The following MYO1E variants were observed in gnomAD, a reference collection of about 807,000 sequenced individuals.
The protein encoded by MYO1E is myosin IE.
In MYO1E, 68 loss-of-function variants were observed where a neutral mutation model predicts 151.1. That is an observed-to-expected ratio of 0.45 (90% CI 0.37 to 0.55). MYO1E has a LOEUF of 0.55. Among genes scored for constraint, MYO1E ranks in the 20% least tolerant of loss-of-function variants. The pLI, the probability that MYO1E is intolerant of heterozygous loss-of-function variation, is 0.00. For synonymous variants in MYO1E, 601 were observed against 501.7 expected (o/e 1.20, Z -2.64); for missense variants, 1,363 against 1,389.3 (o/e 0.98, Z 0.30).
intron 19 of MYO1E, among the ~76,000 whole-genome samples, chr15:59,176,449 CTTTTTT>C (rs68139054): frequency 8.9e-6 from 1 of 111,982 alleles, no homozygotes; most frequent in African/African-American, 3.3e-5. Context: ...TTTCTTTTTC[CTTTTTT>C]TTTTTTTTTT....
intron 1 of MYO1E, among the ~76,000 whole-genome samples, chr15:59,293,911 C>T (rs577136848): frequency 1.1e-4 from 16 of 152,182 alleles, no homozygotes; most frequent in Non-Finnish European, 2.1e-4. Flanking sequence ...GGCATGGTGG[C>T]GCATGCCTGT....
intron 1 of MYO1E, among the ~76,000 whole-genome samples, chr15:59,283,666 A>G (rs76130015): frequency 6.7e-4 from 102 of 152,348 alleles, no homozygotes; most frequent in Non-Finnish European, 1.1e-3. Context: ...CATTTTACAT[A>G]TAACTTATCT....
chr15:59,334,897 T>C (rs1250613150), intron 1 of MYO1E, among the ~76,000 whole-genome samples: 2 of 152,200 alleles, frequency 1.3e-5, no homozygotes, highest in Admixed American at 1.3e-4. Flanking sequence ...TCCACTTAGA[T>C]GTCTCACGTA....
intron 22 of MYO1E, among the ~76,000 whole-genome samples, chr15:59,166,019 G>A (rs1566968655): frequency 6.6e-6 from 1 of 152,226 alleles, no homozygotes; most frequent in Non-Finnish European, 1.5e-5. Context: ...AATGGGCTTA[G>A]ATTTATTAGG....
chr15:59,240,252 A>G (rs1016170165), intron 4 of MYO1E, among the ~76,000 whole-genome samples: 2 of 152,356 alleles, frequency 1.3e-5, no homozygotes, highest in South Asian at 4.1e-4. Flanking sequence ...TAGGAATAGG[A>G]ATTTCTAACA....
At chr15:59,181,791 G>C (rs2079662749) in intron 18 of MYO1E, among the ~76,000 whole-genome samples, 1 of 152,208 alleles carries the variant, frequency 6.6e-6, no homozygotes, top group Non-Finnish European at 1.5e-5. Context: ...TGCAGATGTG[G>C]ATAGTTGTGC....
chr15:59,338,229 C>T (rs1323518553), intron 1 of MYO1E, among the ~76,000 whole-genome samples: 2 of 145,056 alleles, frequency 1.4e-5, no homozygotes, highest in African/African-American at 5.1e-5. Context: ...AAATGAATTT[C>T]TATTTTCATT....
chr15:59,296,193 A>G (rs1466135606), intron 1 of MYO1E, among the ~76,000 whole-genome samples: 1 of 152,236 alleles, frequency 6.6e-6, no homozygotes, highest in African/African-American at 2.4e-5. Flanking sequence ...ACCCTGCTCT[A>G]TGCCAACTTC....
intron 12 of MYO1E, 65 bp downstream of exon 12, chr15:59,214,163 A>C (rs1373231013): frequency 4.5e-6 from 6 of 1,342,428 alleles, no homozygotes; most frequent in Non-Finnish European, 6.2e-6. Flanking sequence ...AAAGACAGAA[A>C]TCTATACCCT....
rs754352231 is a variant in MYO1E at position 59,171,922 on chromosome 15, C to T, written c.2455G>A (p.Glu819Lys). 5.6e-6 allele frequency: 9 copies of T among 1,614,102 alleles called. No individual in the cohort carries two copies. Among genetic ancestry groups the T allele is most frequent in the Non-Finnish European group, 1.7e-6 (2 of 1,180,046 alleles). The change falls in exon 22 of 28, where the codon GAA (glutamate) becomes AAA (lysine). Residue 819 changes from glutamate to lysine, a missense_variant. Physicochemically the swap from Glu to Lys is moderately conservative, Grantham distance 56. Coordinates refer to ENST00000288235, the MANE Select transcript of MYO1E (RefSeq NM_004998.4). The stretch of plus-strand genomic sequence containing the variant: ...CTGAGGGACACAGACAAGATCCGTT[C>T]TATCTCGATTTTCCGCTTCAGGACT... ...KEVLKRKIEI[E>K]RILSVSLSTM...
chr15:59,349,930 AC>A (rs1162174645), intron 1 of MYO1E, among the ~76,000 whole-genome samples: 1 of 152,198 alleles, frequency 6.6e-6, no homozygotes, highest in African/African-American at 2.4e-5. Flanking sequence ...TGTTAGAAAA[AC>A]ACTAATGCGG....
intron 4 of MYO1E, among the ~76,000 whole-genome samples, chr15:59,241,520 G>GT (rs1307447794): frequency 2.6e-5 from 4 of 152,082 alleles, no homozygotes; most frequent in Admixed American, 6.5e-5. Context: ...GGCCGACATG[G>GT]TAAAACCCCG....
At position 59,236,677 on chromosome 15, in the gene MYO1E, A is replaced by G. The variant is rs777505132; in HGVS notation, c.333-5T>C. The G allele has an allele frequency of 2.5e-6, 4 of 1,608,492 alleles. No individual in the cohort carries two copies. The highest frequency in any genetic ancestry group is 3.4e-6 in the Non-Finnish European group (4 of 1,174,980). ...TTTCCAGCACCACTTTCACCACTAAAGAAAGACAGACAAAGAATCCACCTG... is the reference window on the plus strand; with the variant it reads ...TTTCCAGCACCACTTTCACCACTAAGGAAAGACAGACAAAGAATCCACCTG... On this transcript the variant is annotated splice_region_variant and splice_polypyrimidine_tract_variant and intron_variant, in intron 4 of 27. Transcript: ENST00000288235.
At chr15:59,182,922 C>T (rs1744462627) in intron 18 of MYO1E, among the ~76,000 whole-genome samples, 1 of 152,192 alleles carries the variant, frequency 6.6e-6, no homozygotes. Flanking sequence ...TGTTCCACCT[C>T]AGGTCATCAG....
At chr15:59,152,428 T>C (rs2140306309) in intron 26 of MYO1E, among the ~76,000 whole-genome samples, 1 of 151,820 alleles carries the variant, frequency 6.6e-6, no homozygotes, top group East Asian at 1.9e-4. Flanking sequence ...GAAGAGAGAG[T>C]GGGTGGGAGC....
intron 1 of MYO1E, among the ~76,000 whole-genome samples, chr15:59,274,734 T>C (rs2080308239): frequency 6.6e-6 from 1 of 152,186 alleles, no homozygotes; most frequent in African/African-American, 2.4e-5. Context: ...CCATTGGTCT[T>C]TCTCTGTCTC....
intron 1 of MYO1E, among the ~76,000 whole-genome samples, chr15:59,297,437 A>ATTTTTTTTTTTTTTTTTTTTTTTTT (rs755470049): frequency 1.6e-5 from 1 of 63,454 alleles, no homozygotes; most frequent in African/African-American, 4.0e-5. Flanking sequence ...CACCCAGCTA[A>ATTTTTTTTTTTTTTTTTTTTTTTTT]TTTTTTTTTT....
intron 19 of MYO1E, 88 bp downstream of exon 19, chr15:59,178,305 T>C (rs537875558): frequency 6.0e-6 from 9 of 1,505,498 alleles, no homozygotes; most frequent in Admixed American, 5.5e-5. Flanking sequence ...AAGCGAAGAA[T>C]GAGAAAAAGA....
chr15:59,209,815 C>CTTTTTTTTTTTTTTTTTT lies in MYO1E; in HGVS notation c.1362+681_1362+698dup, dbSNP rs71119441. Among the ~76,000 whole-genome samples, 27 of 49,870 alleles carry CTTTTTTTTTTTTTTTTTT rather than the reference C, an allele frequency of 5.4e-4. 6 individuals carry two copies. The highest frequency in any genetic ancestry group is 2.5e-3 in the Admixed American group (9 of 3,566). The allele number at this position is 49,870 out of a possible 152,430, so 32.7% of individuals were successfully genotyped here. On this transcript the variant is annotated intron_variant, in intron 13 of 27. Transcript: ENST00000288235. Reference sequence around the variant, plus strand: ...CTGTATCACTTTTATTTTGAATCACCTTTTTTTTTTTTTTTTTTTTTTTTT... The same window carrying CTTTTTTTTTTTTTTTTTT: ...CTGTATCACTTTTATTTTGAATCACCTTTTTTTTTTTTTTTTTTTTTTTTTTTTTTTTTTTTTTTTTTT...
Sources: gnomAD v4.1 joint callset for allele counts (sites outside exome capture counted in the v4.1 genomes callset) on GRCh38, gnomAD v4.1.1 for gene constraint, MANE v1.5 for transcripts, NCBI Gene and HGNC (gene_info 2026-07-23, HGNC 2026-07-21) for gene names.